The following PCDHGA1 variants were observed in gnomAD, a reference collection of about 807,000 sequenced individuals.
The protein encoded by PCDHGA1 is protocadherin gamma-A1.
In PCDHGA1, 32 loss-of-function variants were observed where a neutral mutation model predicts 58.0. The ratio of observed to expected loss-of-function variants is 0.55; its 90% CI spans 0.42 to 0.74. The LOEUF (loss-of-function observed/expected upper bound fraction) is 0.74. Among genes scored for constraint, PCDHGA1 ranks in the 30% least tolerant of loss-of-function variants. The pLI is 0.00. For synonymous variants in PCDHGA1, 498 were observed against 501.1 expected (o/e 0.99, Z 0.08); for missense variants, 1,205 against 1,182.3 (o/e 1.02, Z -0.28).
At position 141,332,129 on chromosome 5, in the gene PCDHGA1, A is replaced by G; in HGVS notation, c.1445A>G (p.Asn482Ser). ...GTGAGGGCCCACGACTTGGACAGCA[A>G]TGAGAATGCACAAATCACTTACTCC... ...FSVRAHDLDSNENAQITYSLI... is the reference protein window; with the variant it reads ...FSVRAHDLDSSENAQITYSLI... Residue 482 changes from asparagine to serine, a missense_variant, in exon 1 of 4, where the codon AAT becomes AGT. Transcript: ENST00000517417. This position sits in a 1 kb window ranked among gnomAD's most constrained non-coding sequence, Gnocchi z 4.6. 6.2e-7 allele frequency: 1 copy of G among 1,614,168 alleles called. No homozygotes were observed. The highest frequency in any genetic ancestry group is 8.5e-7 in the Non-Finnish European group (1 of 1,180,036).
chr5:141,351,882 A>C, intron 1 of PCDHGA1: 1 of 1,613,352 alleles, frequency 6.2e-7, no homozygotes, highest in South Asian at 1.1e-5. Context: ...CTCAGCGCCA[A>C]CGTGAGCCTG....
chr5:141,357,081 C>T (rs1760456922), intron 1 of PCDHGA1: 3 of 1,613,922 alleles, frequency 1.9e-6, no homozygotes, highest in Non-Finnish European at 2.5e-6. Context: ...GCGAGGTGCG[C>T]ACCGCACGGG....
chr5:141,345,292 T>C (rs1424887859), intron 1 of PCDHGA1: 1 of 1,613,964 alleles, frequency 6.2e-7, no homozygotes, highest in Non-Finnish European at 8.5e-7. Flanking sequence ...GAATATAACA[T>C]TAGTCTGAGA....
rs1761787404 is a variant in PCDHGA1 at position 141,360,887 on chromosome 5, T to C, written c.2421+27782T>C. The C allele has an allele frequency of 2.5e-6, 4 of 1,613,900 alleles. No individual in the cohort carries two copies. The South Asian group carries it at 4.4e-5, about 18-fold the overall frequency. ...AGCCAGGACGTGTACAGGGTCACCC[T>C]GAGGGAGGACGTGCCGCCGGGCTTC... On this transcript the variant is annotated intron_variant, in intron 1 of 3. Transcript: ENST00000517417.
intron 1 of PCDHGA1, chr5:141,433,358 CCTATCTATCTATCTAT>C (rs3074541): frequency 2.0e-4 from 99 of 504,042 alleles, no homozygotes; most frequent in East Asian, 3.1e-4. Flanking sequence ...CTACTGTCTG[CCTATCTATCTATCTAT>C]CTATCTATCT....
chr5:141,497,210 G>T (rs988856908), intron 2 of PCDHGA1, among the ~76,000 whole-genome samples: 1 of 28,140 alleles, frequency 3.6e-5, no homozygotes, highest in African/African-American at 1.1e-3. Context: ...TGAGTGTAAT[G>T]GGGGGGGGAA....
intron 1 of PCDHGA1, chr5:141,420,084 A>G (rs1454284559): frequency 2.5e-6 from 4 of 1,613,890 alleles, no homozygotes; most frequent in African/African-American, 1.3e-5. Context: ...GGTCCCCCCA[A>G]CTACAGTGAG....
chr5:141,399,059 A>T (rs769553635), intron 1 of PCDHGA1: 8 of 1,613,882 alleles, frequency 5.0e-6, no homozygotes, highest in Non-Finnish European at 6.8e-6. Context: ...ACCAAGGAAT[A>T]TTCAATGGTT....
At chr5:141,420,052 C>T (rs535784301) in intron 1 of PCDHGA1, 1 of 1,614,070 alleles carries the variant, frequency 6.2e-7, no homozygotes, top group South Asian at 1.1e-5. Flanking sequence ...AGTCAGTTCT[C>T]TGCTCCAAGT....
At chr5:141,365,038 C>T (rs1763692774) in intron 1 of PCDHGA1, 3 of 1,613,858 alleles carry the variant, frequency 1.9e-6, no homozygotes, top group Non-Finnish European at 2.5e-6. Flanking sequence ...TCGACGCAAA[C>T]GACAATGCGC....
At chr5:141,423,674 C>T (rs57195665) in intron 1 of PCDHGA1, 3 of 1,514,742 alleles carry the variant, frequency 2.0e-6, no homozygotes, top group African/African-American at 1.5e-5. Context: ...AGATTTATTT[C>T]TCTGCCTCCT....
At chr5:141,359,366 A>C (rs1761188368) in intron 1 of PCDHGA1, among the ~76,000 whole-genome samples, 1 of 152,098 alleles carries the variant, frequency 6.6e-6, no homozygotes, top group Non-Finnish European at 1.5e-5. Context: ...AGGCCTAGGA[A>C]AGCAGTAGAT....
chr5:141,356,968 A>G (rs373724298), intron 1 of PCDHGA1: 2 of 1,614,130 alleles, frequency 1.2e-6, no homozygotes, highest in African/African-American at 2.7e-5. Flanking sequence ...CCTGGTGACC[A>G]AAGTGGTGGC....
At chr5:141,440,275 T>C (rs913705052) in intron 1 of PCDHGA1, 14 of 152,120 alleles carry the variant, frequency 9.2e-5, no homozygotes, top group African/African-American at 3.1e-4. Flanking sequence ...GAGACCAGCC[T>C]GACCAACATA....
chr5:141,374,395 G>A, intron 1 of PCDHGA1: 1 of 1,614,050 alleles, frequency 6.2e-7, no homozygotes, highest in South Asian at 1.1e-5. Context: ...GGTGTCTGGT[G>A]AGTTTTAACA....
intron 1 of PCDHGA1, chr5:141,340,510 A>C: frequency 6.2e-7 from 1 of 1,614,146 alleles, no homozygotes; most frequent in Non-Finnish European, 8.5e-7. Context: ...ACACTGGAGT[A>C]CTCTATGCAC....
chr5:141,357,262 G>A, intron 1 of PCDHGA1: 1 of 1,613,786 alleles, frequency 6.2e-7, no homozygotes, highest in East Asian at 2.2e-5. Context: ...AGACGACTCG[G>A]GCCTCACACT....
intron 1 of PCDHGA1, chr5:141,385,306 A>T (rs1479708640): frequency 8.7e-6 from 14 of 1,612,618 alleles, no homozygotes; most frequent in Non-Finnish European, 1.2e-5. Context: ...ATGTAAAGAA[A>T]ACCTGCCAAG....
At chr5:141,492,468 G>A (rs927514972) in intron 1 of PCDHGA1, among the ~76,000 whole-genome samples, 1 of 152,232 alleles carries the variant, frequency 6.6e-6, no homozygotes, top group Admixed American at 6.5e-5. Flanking sequence ...GAGGGTCCCA[G>A]ATCGCGGCCG....
Sources: allele counts gnomAD v4.1 joint callset (sites outside exome capture counted in the v4.1 genomes callset), GRCh38; gene constraint gnomAD v4.1.1; non-coding constraint Gnocchi (gnomAD v3.1); transcripts MANE v1.5; gene names NCBI Gene and HGNC (gene_info 2026-07-23, HGNC 2026-07-21).